SLC45A4: variants seen among roughly 807,000 people sequenced by gnomAD.
SLC45A4 encodes the protein solute carrier family 45 member 4.
A neutral mutation model predicts 63.7 loss-of-function variants in SLC45A4; 32 were observed. The ratio of observed to expected loss-of-function variants is 0.50; its 90% CI spans 0.38 to 0.67. SLC45A4 has a LOEUF of 0.67. Among genes scored for constraint, SLC45A4 ranks in the 30% least tolerant of loss-of-function variants. The pLI is 0.00. For missense variants in SLC45A4, 1,027 were observed against 1,157.7 expected (o/e 0.89, Z 1.64); for synonymous variants, 535 against 510.0 (o/e 1.05, Z -0.66).
chr8:141,277,306 A>C (rs1017458131), intron 1 of SLC45A4, among the ~76,000 whole-genome samples: 5 of 152,254 alleles, frequency 3.3e-5, no homozygotes, highest in African/African-American at 1.2e-4. Flanking sequence ...GCTACCAAAA[A>C]GACCAGTTTC....
chr8:141,286,001 C>T (rs773687966), intron 1 of SLC45A4, among the ~76,000 whole-genome samples: 47 of 152,322 alleles, frequency 3.1e-4, no homozygotes, highest in African/African-American at 7.0e-4. Flanking sequence ...TGGGGGCAGA[C>T]GTGAGCGGCA....
At chr8:141,304,797 A>G (rs938061923) in intron 1 of SLC45A4, among the ~76,000 whole-genome samples, 1 of 152,160 alleles carries the variant, frequency 6.6e-6, no homozygotes, top group Non-Finnish European at 1.5e-5. Context: ...CAACCCATCC[A>G]CGGCTCTCAA....
rs951526053 is a variant in SLC45A4 at position 141,229,610 on chromosome 8, C to T, written c.242-7845G>A. Among the ~76,000 whole-genome samples, 2 of 152,120 alleles carry T rather than the reference C, an allele frequency of 1.3e-5. No individual in the cohort carries two copies. Among genetic ancestry groups the T allele is most frequent in the Admixed American group, 6.6e-5 (1 of 15,266 alleles). On this transcript the variant is annotated intron_variant, in intron 2 of 8. Transcript: ENST00000517878. This position sits in a 1 kb window ranked among gnomAD's most constrained non-coding sequence, Gnocchi z 5.0. Reference sequence around the variant, plus strand: ...CTCTCAACAAGCACGTGGCAGGTGACGGCACCCGCAGACCACGGCCTGCAC... The same window carrying T: ...CTCTCAACAAGCACGTGGCAGGTGATGGCACCCGCAGACCACGGCCTGCAC...
At chr8:141,293,944 A>ATTTTT (rs201601121) in intron 1 of SLC45A4, among the ~76,000 whole-genome samples, 2 of 152,040 alleles carry the variant, frequency 1.3e-5, no homozygotes, top group South Asian at 2.1e-4. Flanking sequence ...AGAAAAAAAA[A>ATTTTT]AAGTAAATGT....
chr8:141,218,955 T>A lies in SLC45A4; in HGVS notation c.685A>T (p.Thr229Ser). 6.2e-7 allele frequency: 1 copy of A among 1,613,508 alleles called. No individual in the cohort carries two copies. The highest frequency in any genetic ancestry group is 8.5e-7 in the Non-Finnish European group (1 of 1,179,892). Residue 229 changes from threonine to serine, a missense_variant, in exon 5 of 9, where the codon ACC (threonine) becomes TCC (serine). Coordinates refer to ENST00000517878, the MANE Select transcript of SLC45A4 (RefSeq NM_001286646.2). ...TQTFLGSWFRTQNQVLFFFAA... is the reference protein window; with the variant it reads ...TQTFLGSWFRSQNQVLFFFAA... ...AAGAAGAAGAGCACCTGGTTCTGGG[T>A]CCGGAACCAGCTGCCCAGGAAGGTC...
rs373460437 is a variant in SLC45A4, at chr8:141,237,661, G to A, written c.242-15896C>T. Reference sequence around the variant, plus strand: ...AAGCCACACGGTGTCCCTCACCGCCGCCCTCCATGCCTTCCCCGAAGTGGC... The same window carrying A: ...AAGCCACACGGTGTCCCTCACCGCCACCCTCCATGCCTTCCCCGAAGTGGC... On this transcript the variant is annotated intron_variant, in intron 2 of 8. Transcript: ENST00000517878. 9.2e-5 allele frequency among the ~76,000 whole-genome samples: 14 copies of A among 152,168 alleles called. No individual in the cohort carries two copies. The East Asian group carries it at 1.4e-3, about 15-fold the overall frequency.
intron 1 of SLC45A4, among the ~76,000 whole-genome samples, chr8:141,287,522 G>A (rs749364722): frequency 6.6e-6 from 1 of 152,222 alleles, no homozygotes; most frequent in Non-Finnish European, 1.5e-5. Context: ...TGGCCAGGAC[G>A]CTGGGCTTCT....
chr8:141,233,296 T>TATTAATAAATGCTATTAATTTCC (rs1425398208), intron 2 of SLC45A4, among the ~76,000 whole-genome samples: 2 of 152,216 alleles, frequency 1.3e-5, no homozygotes, highest in East Asian at 3.8e-4. Flanking sequence ...GCTATTAAGT[T>TATTAATAAATGCTATTAATTTCC]AAAACTAGCA....
chr8:141,291,719 G>C (rs998461020), intron 1 of SLC45A4, among the ~76,000 whole-genome samples: 2 of 152,234 alleles, frequency 1.3e-5, no homozygotes, highest in African/African-American at 4.8e-5. Context: ...AGTGGTGTCT[G>C]GAGTGGAGTC....
chr8:141,274,648 C>T (rs1181782859), intron 1 of SLC45A4, among the ~76,000 whole-genome samples: 2 of 152,088 alleles, frequency 1.3e-5, no homozygotes, highest in African/African-American at 4.8e-5. Context: ...ACAACAAAAC[C>T]ACCATGGGAC....
At chr8:141,295,526 TC>T (rs901049867) in intron 1 of SLC45A4, among the ~76,000 whole-genome samples, 2 of 152,234 alleles carry the variant, frequency 1.3e-5, no homozygotes, top group African/African-American at 4.8e-5. Context: ...TATAAGGAAA[TC>T]CCTTCTGCAA....
chr8:141,300,279 T>C (rs1563684846), intron 1 of SLC45A4, among the ~76,000 whole-genome samples: 1 of 152,226 alleles, frequency 6.6e-6, no homozygotes, highest in East Asian at 1.9e-4. Context: ...TCTCCTCTTA[T>C]GTCATAAAAC....
chr8:141,304,556 CAAA>C lies in SLC45A4; in HGVS notation c.-401+3537_-401+3539del, dbSNP rs61384705. On this transcript the variant is annotated intron_variant, in intron 1 of 8. Coordinates refer to ENST00000517878, the MANE Select transcript of SLC45A4 (RefSeq NM_001286646.2). ...CCTGGGTGACAGAGTAAGACTGTCT[CAAA>C]AAAAAAAAAAAAAAGGGGGGGAGAG... Among the ~76,000 whole-genome samples the C allele has an allele frequency of 2.3e-3, 292 of 127,364 alleles. 2 individuals carry two copies. The highest frequency in any genetic ancestry group is 0.015 in the South Asian group (55 of 3,688). 83.6% of individuals were successfully genotyped at this position (127,364 alleles called of 152,430 possible). A position where few individuals can be genotyped will look rare whatever the true frequency, so the allele number is the denominator to read the frequency against.
Position 141,289,625 on chromosome 8 carries a change from CG to C in SLC45A4, c.-401+18470del, listed in dbSNP as rs1265811011. Reference sequence around the variant, plus strand: ...GAAGCTGGCTTCCTACTCCGGTGGACGCCATGCTGGAAAGGGTCAGCTTCCT... The same window carrying C: ...GAAGCTGGCTTCCTACTCCGGTGGACCCATGCTGGAAAGGGTCAGCTTCCT... On this transcript the variant is annotated intron_variant, in intron 1 of 8. Transcript: ENST00000517878. Among the ~76,000 whole-genome samples the C allele has an allele frequency of 2.6e-5, 4 of 152,126 alleles. No homozygotes were observed. The East Asian group carries it at 7.7e-4, about 29-fold the overall frequency.
In SLC45A4 at chr8:141,219,591, C is replaced by T. The variant is rs1419949148; in HGVS notation, c.610+59G>A. 3 of 1,542,724 alleles carry T rather than the reference C, an allele frequency of 1.9e-6. No homozygotes were observed. The East Asian group carries it at 6.9e-5, about 35-fold the overall frequency. ...GACAACACAGGCTCCTGTCCCCTCC[C>T]CACACCAGGCCCGGGCACGTTGGAA... On this transcript the variant is annotated intron_variant, in intron 4 of 8. Coordinates refer to ENST00000517878, the MANE Select transcript of SLC45A4 (RefSeq NM_001286646.2).
chr8:141,211,306 G>T lies in SLC45A4; in HGVS notation c.*266C>A. ...GGCCTCCTAGGAGAGTCCTTCAGAC[G>T]GGACGAGCGGGGTCACATGGCTGGG... On this transcript the variant is annotated 3_prime_UTR_variant, in exon 9 of 9. Coordinates refer to ENST00000517878, the MANE Select transcript of SLC45A4 (RefSeq NM_001286646.2). 1 of 1,033,202 alleles carries T rather than the reference G, an allele frequency of 9.7e-7. No individual in the cohort carries two copies. The highest frequency in any genetic ancestry group is 1.3e-6 in the Non-Finnish European group (1 of 750,316). The allele number at this position is 1,033,202 out of a possible 1,614,324, so 64.0% of individuals were successfully genotyped here.
At chr8:141,284,998 T>G (rs1830085855) in intron 1 of SLC45A4, among the ~76,000 whole-genome samples, 1 of 137,396 alleles carries the variant, frequency 7.3e-6, no homozygotes, top group African/African-American at 2.6e-5. Context: ...AAGGCCGGCT[T>G]GACAGGAACC....
Position 141,217,862 on chromosome 8 carries a change from G to A in SLC45A4, c.1629+149C>T, listed in dbSNP as rs987058685. 14 of 1,000,924 alleles carry A rather than the reference G, an allele frequency of 1.4e-5. No individual in the cohort carries two copies. In the Admixed American group the frequency reaches 1.7e-4, roughly 12 times the overall value. 62.0% of individuals were successfully genotyped at this position (1,000,924 alleles called of 1,614,324 possible). On this transcript the variant is annotated intron_variant, in intron 5 of 8. Transcript: ENST00000517878. ...GGCGCGCGCGGGCCAGCTGCCTGCC[G>A]CGGGTCCCTCACCTGCACGGGAGGC...
intron 1 of SLC45A4, among the ~76,000 whole-genome samples, chr8:141,302,551 C>T (rs1000770719): frequency 2.6e-5 from 4 of 152,172 alleles, no homozygotes; most frequent in African/African-American, 4.8e-5. Flanking sequence ...AGGCTGGTCT[C>T]GAACTCCTGA....
Sources: allele counts gnomAD v4.1 joint callset (sites outside exome capture counted in the v4.1 genomes callset), GRCh38; gene constraint gnomAD v4.1.1; non-coding constraint Gnocchi (gnomAD v3.1); transcripts MANE v1.5; gene names NCBI Gene and HGNC (gene_info 2026-07-23, HGNC 2026-07-21).